The following PSMB7 variants were observed in gnomAD, a reference collection of about 807,000 sequenced individuals.
The protein encoded by PSMB7 is proteasome subunit beta type-7.
In PSMB7, 5 loss-of-function variants were observed where a neutral mutation model predicts 28.1. The observed-to-expected ratio is 0.18, with a 90% CI of 0.09 to 0.37. The LOEUF (loss-of-function observed/expected upper bound fraction) is 0.37. Among genes scored for constraint, PSMB7 ranks in the 10% least tolerant of loss-of-function variants. PSMB7 has a pLI of 1.00. For missense variants in PSMB7, 275 were observed against 346.2 expected (o/e 0.79, Z 1.63); for synonymous variants, 122 against 123.7 (o/e 0.99, Z 0.09).
chr9:124,360,939 G>A (rs1830460661), intron 6 of PSMB7, among the ~76,000 whole-genome samples: 1 of 152,206 alleles, frequency 6.6e-6, no homozygotes, highest in South Asian at 2.1e-4. Flanking sequence ...AGTAAAGCAA[G>A]CCAGAGGGCT....
At chr9:124,409,312 C>T (rs1233753111) in intron 4 of PSMB7, among the ~76,000 whole-genome samples, 1 of 152,152 alleles carries the variant, frequency 6.6e-6, no homozygotes. Flanking sequence ...AATAAATGTA[C>T]ATTATGTTTA....
rs1400346000 is a variant in PSMB7 at position 124,412,394 on chromosome 9, C to G, written c.353G>C (p.Arg118Thr). 1.9e-6 allele frequency: 3 copies of G among 1,614,142 alleles called. No homozygotes were observed. In the South Asian group the frequency reaches 3.3e-5, roughly 18 times the overall value. Residue 118 changes from arginine (R) to threonine (T), a missense_variant, in exon 4 of 8, where the codon AGA (arginine) becomes ACA (threonine). By Grantham distance (71) the Arg-to-Thr change is moderately conservative. This residue lies in a region of PSMB7 where 213 missense variants were observed against 302.4 expected (regional missense o/e 0.70). Coordinates refer to ENST00000259457, the MANE Select transcript of PSMB7 (RefSeq NM_002799.4). ...LHSLSTGRLP[R>T]VVTANRMLKQ... ...CAGCATCCGATTGGCTGTCACAACTCTGGGAAGACGGCCAGTGGAGAGGGA... is the reference window on the plus strand; with the variant it reads ...CAGCATCCGATTGGCTGTCACAACTGTGGGAAGACGGCCAGTGGAGAGGGA...
chr9:124,414,282 C>G (rs1156657715), intron 2 of PSMB7, among the ~76,000 whole-genome samples: 2 of 152,200 alleles, frequency 1.3e-5, no homozygotes, highest in African/African-American at 4.8e-5. Flanking sequence ...CAGAGCTAAT[C>G]TGGAAAAAAC....
chr9:124,385,004 G>A (rs1564680855), intron 5 of PSMB7, among the ~76,000 whole-genome samples: 8 of 152,254 alleles, frequency 5.3e-5, no homozygotes, highest in Admixed American at 2.6e-4. Flanking sequence ...CGTGTTCTAT[G>A]CTGTGAGTCT....
chr9:124,368,581 ATCAG>A (rs1010515842), intron 6 of PSMB7, among the ~76,000 whole-genome samples: 1 of 152,238 alleles, frequency 6.6e-6, no homozygotes, highest in African/African-American at 2.4e-5. Context: ...AGCAAACAGA[ATCAG>A]TCAAATTATT....
intron 6 of PSMB7, among the ~76,000 whole-genome samples, chr9:124,376,151 A>AT (rs5900607): frequency 0.98 from 149,345 of 151,796 alleles, 73,495 homozygotes; most frequent in East Asian, 1. Flanking sequence ...AGTCTTGCTT[A>AT]TTTTTTTTAT....
At chr9:124,399,303 G>C (rs1013983680) in intron 5 of PSMB7, among the ~76,000 whole-genome samples, 7 of 152,220 alleles carry the variant, frequency 4.6e-5, no homozygotes, top group African/African-American at 1.7e-4. Context: ...CAGAGGTCTA[G>C]AATTGTGCAG....
intron 6 of PSMB7, among the ~76,000 whole-genome samples, chr9:124,376,771 T>A (rs1830614109): frequency 6.6e-6 from 1 of 152,216 alleles, no homozygotes; most frequent in South Asian, 2.1e-4. Flanking sequence ...GCTGAACCCA[T>A]CGGAGGGCTC....
At chr9:124,362,248 T>G (rs1830470684) in intron 6 of PSMB7, among the ~76,000 whole-genome samples, 1 of 152,238 alleles carries the variant, frequency 6.6e-6, no homozygotes, top group African/African-American at 2.4e-5. Flanking sequence ...GGCAAATATA[T>G]TGTTTATGTA....
intron 1 of PSMB7, 191 bp from the exon 2 acceptor site, chr9:124,415,126 C>A: frequency 1.6e-6 from 1 of 627,976 alleles, no homozygotes; most frequent in Non-Finnish European, 2.8e-6. Flanking sequence ...GGGGCCGTGA[C>A]GTGCCTTAGG....
intron 1 of PSMB7, 79 bp downstream of exon 1, chr9:124,415,285 G>T: frequency 1.4e-6 from 2 of 1,420,496 alleles, no homozygotes; most frequent in Non-Finnish European, 9.9e-7. Flanking sequence ...CAGAATTCTC[G>T]TATCACACCT....
At chr9:124,400,968 G>C (rs549466868) in intron 5 of PSMB7, among the ~76,000 whole-genome samples, 118 of 152,180 alleles carry the variant, frequency 7.8e-4, no homozygotes, top group African/African-American at 2.7e-3. Flanking sequence ...ATAGGCCCAC[G>C]TAAGCTGATA....
intron 6 of PSMB7, among the ~76,000 whole-genome samples, chr9:124,361,747 T>G (rs941397925): frequency 1.2e-4 from 19 of 152,252 alleles, no homozygotes; most frequent in Admixed American, 1.2e-3. Context: ...GAGACTGTAT[T>G]AAATCTTTAC....
chr9:124,411,867 A>G (rs995652555), intron 4 of PSMB7, among the ~76,000 whole-genome samples: 9 of 152,202 alleles, frequency 5.9e-5, no homozygotes, highest in Non-Finnish European at 1.2e-4. Context: ...GGAACAGAGT[A>G]AGAGGTAGAT....
chr9:124,366,319 G>A (rs58246873), intron 6 of PSMB7, among the ~76,000 whole-genome samples: 2,332 of 152,252 alleles, frequency 0.015, 67 homozygotes, highest in African/African-American at 0.053. Flanking sequence ...CAGGAGAATC[G>A]CTTGAACCTG....
chr9:124,354,704 T>C (rs1260055974), intron 7 of PSMB7, among the ~76,000 whole-genome samples: 2 of 152,134 alleles, frequency 1.3e-5, no homozygotes, highest in Non-Finnish European at 2.9e-5. Flanking sequence ...CAAAAGTACC[T>C]TTGAACAATG....
chr9:124,354,673 C>T (rs1004765077), intron 7 of PSMB7, among the ~76,000 whole-genome samples: 7 of 152,222 alleles, frequency 4.6e-5, no homozygotes, highest in Non-Finnish European at 1.0e-4. Flanking sequence ...CCCCGACCCC[C>T]ACCCTCTTAA....
At chr9:124,371,787 TAA>T (rs1830565586) in intron 6 of PSMB7, among the ~76,000 whole-genome samples, 1 of 152,184 alleles carries the variant, frequency 6.6e-6, no homozygotes, top group African/African-American at 2.4e-5. Context: ...CCTATACAGT[TAA>T]AAGTCTCCAA....
chr9:124,385,990 C>G (rs913281398), intron 5 of PSMB7, among the ~76,000 whole-genome samples: 1 of 152,096 alleles, frequency 6.6e-6, no homozygotes, highest in Non-Finnish European at 1.5e-5. Context: ...AATATTGCTG[C>G]GGTTGAGGAT....
Sources: allele counts gnomAD v4.1 joint callset (sites outside exome capture counted in the v4.1 genomes callset), GRCh38; gene constraint gnomAD v4.1.1; regional missense constraint gnomAD v4.1.1; transcripts MANE v1.5; gene names NCBI Gene and HGNC (gene_info 2026-07-23, HGNC 2026-07-21).